The following GLB1L3 variants were observed in gnomAD, a reference collection of about 807,000 sequenced individuals.
GLB1L3 encodes the protein beta-galactosidase-1-like protein 3.
A neutral mutation model predicts 89.5 loss-of-function variants in GLB1L3; 89 were observed. That is an observed-to-expected ratio of 0.99 (90% CI 0.84 to 1.19). GLB1L3 has a LOEUF of 1.19. Ranked by LOEUF, GLB1L3 falls within the 50% of genes most tolerant of loss-of-function variation. The probability of loss-of-function intolerance (pLI) is 0.00; values close to 1 mark genes in which losing one functional copy is unlikely to be tolerated. For missense variants in GLB1L3, 812 were observed against 813.3 expected, an observed-to-expected ratio of 1.00 and a Z score of 0.02; for synonymous variants, 314 against 312.3, an observed-to-expected ratio of 1.01 and a Z score of -0.06.
chr11:134,300,104 C>T (rs1941861765), intron 9 of GLB1L3, among the ~76,000 whole-genome samples: 1 of 152,136 alleles, frequency 6.6e-6, no homozygotes, highest in East Asian at 1.9e-4. Flanking sequence ...GACTGTGTGG[C>T]TTAAACAGCA....
At chr11:134,294,796 T>C (rs1051040853) in intron 9 of GLB1L3, among the ~76,000 whole-genome samples, 2 of 152,212 alleles carry the variant, frequency 1.3e-5, no homozygotes, top group Non-Finnish European at 2.9e-5. Flanking sequence ...GGTCCATTTA[T>C]GCATGTTGTA....
At chr11:134,284,261 T>A (rs1274232408) in intron 6 of GLB1L3, among the ~76,000 whole-genome samples, 2 of 152,180 alleles carry the variant, frequency 1.3e-5, no homozygotes, top group African/African-American at 2.4e-5. Flanking sequence ...CCAATTTTAC[T>A]AGATTTTGTG....
chr11:134,316,442 A>T (rs1156955691), intron 18 of GLB1L3, among the ~76,000 whole-genome samples: 1 of 152,172 alleles, frequency 6.6e-6, no homozygotes, highest in Non-Finnish European at 1.5e-5. Flanking sequence ...GAATCATTTT[A>T]GTGTCTTATT....
chr11:134,316,814 T>A (rs1180999435), intron 18 of GLB1L3: 2 of 152,238 alleles, frequency 1.3e-5, no homozygotes, highest in African/African-American at 2.4e-5. Context: ...TTCATACGGC[T>A]GTGTGGATTG....
At chr11:134,299,236 C>G (rs1941814309) in intron 9 of GLB1L3, among the ~76,000 whole-genome samples, 2 of 151,764 alleles carry the variant, frequency 1.3e-5, no homozygotes, top group Non-Finnish European at 2.9e-5. Flanking sequence ...CCATGATAGT[C>G]TTAAGTATAT....
intron 9 of GLB1L3, among the ~76,000 whole-genome samples, chr11:134,302,962 G>C (rs1942023860): frequency 2.6e-5 from 4 of 152,184 alleles, no homozygotes; most frequent in Admixed American, 2.6e-4. Context: ...ATTTCTACCA[G>C]TAGACCTTAG....
chr11:134,313,950 G>C lies in GLB1L3; in HGVS notation c.1589G>C (p.Gly530Ala), dbSNP rs1386379063. 6.2e-7 allele frequency: 1 copy of C among 1,608,510 alleles called. No individual in the cohort carries two copies. Among genetic ancestry groups the C allele is most frequent in the Non-Finnish European group, 8.5e-7 (1 of 1,175,484 alleles). Residue 530 changes from glycine to alanine, a missense_variant, in exon 17 of 20, where the codon GGA becomes GCA. By Grantham distance (60) the Gly-to-Ala change is moderately conservative. This residue lies in a region of GLB1L3 where 618 missense variants were observed against 604.0 expected (regional missense o/e 1.02). Transcript: ENST00000431683. ...QIQNEQKGIT[G>A]SVSINNSSLE... ...CCATCTGCATCTGCAGGAATAACTG[G>C]ATCTGTCAGCATCAATAACTCTTCC...
downstream of GLB1L3, among the ~76,000 whole-genome samples, chr11:134,321,153 TAAAACTCTA>T (rs1238157393): frequency 3.9e-5 from 6 of 152,304 alleles, no homozygotes; most frequent in East Asian, 1.2e-3. Flanking sequence ...AGCATCAGCA[TAAAACTCTA>T]AGACCAGGCA....
intron 9 of GLB1L3, among the ~76,000 whole-genome samples, chr11:134,305,876 A>G (rs2136191439): frequency 6.6e-6 from 1 of 152,256 alleles, no homozygotes; most frequent in Middle Eastern, 3.4e-3. Flanking sequence ...TTAAATATAG[A>G]AGTTGGAAGG....
intron 9 of GLB1L3, among the ~76,000 whole-genome samples, chr11:134,306,502 G>C (rs1942210213): frequency 1.3e-5 from 2 of 152,192 alleles, no homozygotes; most frequent in Non-Finnish European, 2.9e-5. Context: ...GTCCTAGGTT[G>C]ACAGATCTTT....
At chr11:134,292,993 G>C (rs1941441619) in intron 8 of GLB1L3, 152 bp from the exon 9 acceptor site, 1 of 680,498 alleles carries the variant, frequency 1.5e-6, no homozygotes, top group Non-Finnish European at 2.7e-6. Context: ...CAGCCCTTTG[G>C]ATGTGGCAGA....
At chr11:134,310,213 T>G in intron 11 of GLB1L3, 1 of 363,386 alleles carries the variant, frequency 2.8e-6, no homozygotes, top group Admixed American at 3.9e-5. Context: ...TGATAGCTGA[T>G]GAGCTTAAAA....
downstream of GLB1L3, among the ~76,000 whole-genome samples, chr11:134,321,407 A>C (rs1301081312): frequency 6.6e-6 from 1 of 152,226 alleles, no homozygotes; most frequent in Non-Finnish European, 1.5e-5. Context: ...AGATAGTAGA[A>C]GATAAAGAAG....
downstream of GLB1L3, among the ~76,000 whole-genome samples, chr11:134,321,186 AAGCG>A (rs1943163260): frequency 2.6e-5 from 4 of 152,202 alleles, no homozygotes; most frequent in South Asian, 8.3e-4. Flanking sequence ...ACACTGTGTA[AAGCG>A]AGAGGGATGT....
intron 8 of GLB1L3, chr11:134,292,422 TGCC>T: frequency 2.1e-6 from 1 of 486,358 alleles, no homozygotes; most frequent in Non-Finnish European, 3.7e-6. Flanking sequence ...GCCTTGCTCC[TGCC>T]GTCTTTAAAC....
rs144120710 is a variant in GLB1L3 at position 134,282,226 on chromosome 11, C to T, written c.527+106C>T. On this transcript the variant is annotated intron_variant, in intron 5 of 19. Transcript: ENST00000431683. ...GGAAAGTAACCTTTATTCACGGAGC[C>T]GATGGGAGGTGTGCTGCCCCACGCC... The T allele has an allele frequency of 2.5e-5, 34 of 1,336,936 alleles. No individual in the cohort carries two copies. In the Middle Eastern group the frequency reaches 5.7e-4, roughly 22 times the overall value. 82.8% of individuals were successfully genotyped at this position (1,336,936 alleles called of 1,614,324 possible). A position where few individuals can be genotyped will look rare whatever the true frequency, so the allele number is the denominator to read the frequency against.
intron 10 of GLB1L3, among the ~76,000 whole-genome samples, chr11:134,308,386 CCATCACCACCATCACCAT>C (rs1942424225): frequency 7.1e-5 from 5 of 70,902 alleles, no homozygotes; most frequent in African/African-American, 2.1e-4. Flanking sequence ...ACCATCACCA[CCATCACCACCATCACCAT>C]CACCACCACC....
At chr11:134,308,567 AC>A (rs1942520841) in intron 10 of GLB1L3, among the ~76,000 whole-genome samples, 1 of 141,630 alleles carries the variant, frequency 7.1e-6, no homozygotes, top group Non-Finnish European at 1.6e-5. Context: ...CACCACCACC[AC>A]CACCATCACC....
intron 1 of GLB1L3, chr11:134,277,035 G>T (rs1280088262): frequency 3.5e-6 from 2 of 571,634 alleles, no homozygotes; most frequent in Non-Finnish European, 6.2e-6. Context: ...CCCGAACCTG[G>T]TGCTGGAAGT....
Sources: gnomAD v4.1 joint callset for allele counts (sites outside exome capture counted in the v4.1 genomes callset) on GRCh38, gnomAD v4.1.1 for gene constraint, gnomAD v4.1.1 regional missense constraint, MANE v1.5 for transcripts, NCBI Gene and HGNC (gene_info 2026-07-23, HGNC 2026-07-21) for gene names.